The following ZNFX1 variants were observed in gnomAD, a reference collection of about 807,000 sequenced individuals.
The protein encoded by ZNFX1 is NFX1-type zinc finger-containing protein 1.
ZNFX1 carries 78 observed loss-of-function variants against 179.8 expected under a neutral mutation model. The ratio of observed to expected loss-of-function variants is 0.43; its 90% confidence interval spans 0.36 to 0.52. The LOEUF (loss-of-function observed/expected upper bound fraction) is 0.52. Among genes scored for constraint, ZNFX1 ranks in the 20% least tolerant of loss-of-function variants. The pLI is 0.00. For synonymous variants in ZNFX1, 848 were observed against 868.5 expected (o/e 0.98, Z 0.42); for missense variants, 1,927 against 2,386.6 (o/e 0.81, Z 4.01).
At chr20:49,250,432 G>C (rs1314779010) in intron 13 of ZNFX1, among the ~76,000 whole-genome samples, 2 of 152,176 alleles carry the variant, frequency 1.3e-5, no homozygotes, top group East Asian at 3.8e-4. Flanking sequence ...GGATATGGCA[G>C]GAGCCATTAT....
Position 49,261,422 on chromosome 20 carries a change from G to A in ZNFX1, c.2302-845C>T, listed in dbSNP as rs566932042. 3.3e-5 allele frequency among the ~76,000 whole-genome samples: 5 copies of A among 152,260 alleles called. No homozygotes were observed. In the East Asian group the frequency reaches 5.8e-4, roughly 18 times the overall value. Reference sequence around the variant, plus strand: ...TGTCCTTTGCGAGGACCTGAATGGAGTTTGAGGGCATTATCTTTAGCAAAC... The same window carrying A: ...TGTCCTTTGCGAGGACCTGAATGGAATTTGAGGGCATTATCTTTAGCAAAC... On this transcript the variant is annotated intron_variant, in intron 6 of 13. Transcript: ENST00000396105.
rs753633341 is a variant in ZNFX1 at position 49,271,430 on chromosome 20, G to A, written c.382C>T (p.Arg128Trp). The A allele has an allele frequency of 9.3e-6, 15 of 1,613,990 alleles. No homozygotes were observed. The highest frequency in any genetic ancestry group is 2.2e-5 in the South Asian group (2 of 91,078). ...TCTGTAGGCTTCTGGTGGGGAGTCC[G>A]CCACTGCTGGAAGTTGTCATTGGAC... Reference protein sequence around the residue: ...PWSNDNFQQWRTPHQKPTEQP... With the variant: ...PWSNDNFQQWWTPHQKPTEQP... Residue 128 changes from arginine to tryptophan, a missense_variant, in exon 3 of 14, where the codon CGG becomes TGG. Transcript: ENST00000396105.
intron 13 of ZNFX1, 95 bp from the exon 14 acceptor site, chr20:49,249,806 C>G (rs879598771): frequency 1.1e-5 from 15 of 1,363,748 alleles, no homozygotes; most frequent in Non-Finnish European, 1.4e-5. Context: ...TACTCTGCTC[C>G]AGAGAGAGAC....
At chr20:49,271,881 T>G in intron 2 of ZNFX1, 131 bp from the exon 3 acceptor site, 1 of 1,077,450 alleles carries the variant, frequency 9.3e-7, no homozygotes, top group Non-Finnish European at 1.3e-6. Flanking sequence ...AGAAAAACGG[T>G]TTCTACCAAG....
rs1980735704 is a variant in ZNFX1 at position 49,248,415 on chromosome 20, A to G, written c.4609T>C (p.Tyr1537His). Residue 1537 changes from tyrosine to histidine, a missense_variant, in exon 14 of 14, where the codon TAT becomes CAT. By Grantham distance (83) the Tyr-to-His change is moderately conservative (BLOSUM62 2). Transcript: ENST00000396105. This position sits in a 1 kb window ranked among gnomAD's most constrained non-coding sequence, Gnocchi z 4.6. ...ACTAGCAGCTTAGTACAAGGCACAT[A>G]GCATGGGGGTCGGTTGCAGGGCTCA... ...CSEPCNRPPC[Y>H]VPCTKLLVCG... 1.2e-6 allele frequency: 2 copies of G among 1,608,962 alleles called. No individual in the cohort carries two copies. Among genetic ancestry groups the G allele is most frequent in the Non-Finnish European group, 8.5e-7 (1 of 1,176,768 alleles).
chr20:49,271,794 G>A (rs765718404), intron 2 of ZNFX1, 44 bp from the exon 3 acceptor site: 3 of 1,541,780 alleles, frequency 1.9e-6, no homozygotes, highest in Non-Finnish European at 8.7e-7. Context: ...ACCAAGTTCT[G>A]TTGGAAACCC....
intron 9 of ZNFX1, 111 bp from the exon 10 acceptor site, chr20:49,254,760 A>C (rs1001471928): frequency 3.4e-6 from 4 of 1,179,208 alleles, no homozygotes; most frequent in South Asian, 1.5e-5. Context: ...CTTGGAGCAT[A>C]GTGACAAACA....
At chr20:49,249,871 A>G (rs564630340) in intron 13 of ZNFX1, among the ~76,000 whole-genome samples, 160 bp from the exon 14 acceptor site, 4 of 152,294 alleles carry the variant, frequency 2.6e-5, no homozygotes, top group African/African-American at 9.6e-5. Context: ...TTAGTTAGTC[A>G]TTGTGTGCTT....
intron 2 of ZNFX1, 36 bp from the exon 3 acceptor site, chr20:49,271,786 C>A (rs754208562): frequency 5.2e-6 from 8 of 1,550,836 alleles, no homozygotes; most frequent in South Asian, 1.2e-5. Context: ...CCACAAGAAC[C>A]AAGTTCTGTT....
Position 49,271,282 on chromosome 20 carries a change from G to C in ZNFX1, c.530C>G (p.Ser177Cys). 1 of 1,614,230 alleles carries C rather than the reference G, an allele frequency of 6.2e-7. No homozygotes were observed. Among genetic ancestry groups the C allele is most frequent in the Non-Finnish European group, 8.5e-7 (1 of 1,180,040 alleles). Residue 177 changes from serine to cysteine, a missense_variant, in exon 3 of 14, where the codon TCT becomes TGT. By Grantham distance (112) the Ser-to-Cys change is moderately radical. Transcript: ENST00000396105. ...SLGLKELLSHSSMKSNFLELI... is the reference protein window; with the variant it reads ...SLGLKELLSHCSMKSNFLELI... ...CTCAAGGAAGTTAGATTTCATGGAA[G>C]AATGAGAAAGGAGCTCTTTCAGCCC... is the stretch of plus-strand genomic sequence containing the variant.
chr20:49,266,902 C>T (rs548780409), intron 3 of ZNFX1, among the ~76,000 whole-genome samples: 1 of 152,134 alleles, frequency 6.6e-6, no homozygotes, highest in East Asian at 1.9e-4. Context: ...GCTAAATTCT[C>T]TCTTTTTGTT....
At position 49,251,507 on chromosome 20, in the gene ZNFX1, A is replaced by G. The variant is rs926076128; in HGVS notation, c.3312+20T>C. The G allele has an allele frequency of 6.2e-7, 1 of 1,601,172 alleles. No individual in the cohort carries two copies. Among genetic ancestry groups the G allele is most frequent in the African/African-American group, 1.3e-5 (1 of 74,406 alleles). On this transcript the variant is annotated intron_variant, in intron 13 of 13. Transcript: ENST00000396105. ...AGGTTGCTGACACCATCCAAGAAAG[A>G]TCGGGTAAGACAGACTCACCTTAAT...
intron 7 of ZNFX1, 36 bp from the exon 8 acceptor site, chr20:49,257,700 CT>C: frequency 6.7e-7 from 1 of 1,496,538 alleles, no homozygotes; most frequent in Non-Finnish European, 8.9e-7. Flanking sequence ...GAGATGAAAA[CT>C]CTTTTTTTTT....
chr20:49,249,003 A>G lies in ZNFX1; in HGVS notation c.4021T>C (p.Cys1341Arg), dbSNP rs1343263495. 10 of 1,614,086 alleles carry G rather than the reference A, an allele frequency of 6.2e-6. No homozygotes were observed. Among genetic ancestry groups the G allele is most frequent in the Non-Finnish European group, 8.5e-6 (10 of 1,179,996 alleles). Reference sequence around the variant, plus strand: ...GGCACCTTCACCTGACAAGGCTGACACTCCTGGAAGCAAACAAGGGGACAC... The same window carrying G: ...GGCACCTTCACCTGACAAGGCTGACGCTCCTGGAAGCAAACAAGGGGACAC... ...HRCPLVCFQE[C>R]QPCQVKVPKT... The change falls in exon 14 of 14, where the codon TGT becomes CGT. Residue 1341 changes from cysteine to arginine, a missense_variant. Physicochemically the swap from Cys to Arg is radical, Grantham distance 180. Transcript: ENST00000396105.
rs533084947 is a variant in ZNFX1 at position 49,247,133 on chromosome 20, C to G, written c.*134G>C. On this transcript the variant is annotated 3_prime_UTR_variant, in exon 14 of 14. Transcript: ENST00000396105. Reference sequence around the variant, plus strand: ...CCGCCTGCCTCGGCCTCCCAAAGTGCTGGGATTACAGGCGTAAGCCACTGC... The same window carrying G: ...CCGCCTGCCTCGGCCTCCCAAAGTGGTGGGATTACAGGCGTAAGCCACTGC... The G allele has an allele frequency of 8.7e-6, 11 of 1,262,440 alleles. No homozygotes were observed. In the South Asian group the frequency reaches 1.4e-4, roughly 16 times the overall value. 78.2% of individuals were successfully genotyped at this position (1,262,440 alleles called of 1,614,324 possible).
rs1234850409 is a variant in ZNFX1, at chr20:49,246,908, G to A, written c.*359C>T. On this transcript the variant is annotated 3_prime_UTR_variant, in exon 14 of 14. Transcript: ENST00000396105. ...TTTGAGACAGAGTCTTGCTCCTGTC[G>A]CCCAGACTGGAGTGCAATGGCATGA... 4.3e-5 allele frequency: 20 copies of A among 461,818 alleles called. No homozygotes were observed. The highest frequency in any genetic ancestry group is 1.2e-4 in the African/African-American group (6 of 50,118). 28.6% of individuals were successfully genotyped at this position (461,818 alleles called of 1,614,324 possible).
rs1190774258 is a variant in ZNFX1 at position 49,247,268 on chromosome 20, T to C, written c.5756A>G (p.Ter1919TrpextTer14). The C allele has an allele frequency of 5.6e-6, 9 of 1,599,792 alleles. No individual in the cohort carries two copies. Among genetic ancestry groups the C allele is most frequent in the Non-Finnish European group, 7.7e-6 (9 of 1,170,854 alleles). The change falls in exon 14 of 14, where the codon TAG becomes TGG. Residue 1919 changes from the stop codon to tryptophan, a stop_lost. Transcript: ENST00000396105. ...AAAAGGCAGTGGTGTACCATCTTCC[T>C]ACATCATCCCCTGGATCTCCTCAAA... ...MNFEEIQGMM[*>W]
chr20:49,248,862 G>C lies in ZNFX1; in HGVS notation c.4162C>G (p.His1388Asp). The C allele has an allele frequency of 6.2e-7, 1 of 1,613,472 alleles. No homozygotes were observed. Among genetic ancestry groups the C allele is most frequent in the Non-Finnish European group, 8.5e-7 (1 of 1,179,362 alleles). Residue 1388 changes from histidine (H) to aspartate (D), a missense_variant, in exon 14 of 14, where the codon CAC becomes GAC. Coordinates refer to ENST00000396105, the MANE Select transcript of ZNFX1 (RefSeq NM_021035.3). This position sits in a 1 kb window ranked among gnomAD's most constrained non-coding sequence, Gnocchi z 4.6. ...TGCACACAGTCCTCACCACATGGGT[G>C]GCTGCATCTGTGCCCACATCTCAGA... is the stretch of plus-strand genomic sequence containing the variant. ...KSLRCGHRCS[H>D]PCGEDCVQLC...
intron 5 of ZNFX1, 137 bp from the exon 6 acceptor site, chr20:49,263,620 A>G (rs1214913964): frequency 1.9e-6 from 2 of 1,055,728 alleles, no homozygotes; most frequent in African/African-American, 1.6e-5. Context: ...CAACAAACCA[A>G]TTTCCCAAGG....
Sources: gnomAD v4.1 joint callset for allele counts (sites outside exome capture counted in the v4.1 genomes callset) on GRCh38, gnomAD v4.1.1 for gene constraint, Gnocchi (gnomAD v3.1) non-coding constraint, MANE v1.5 for transcripts, NCBI Gene and HGNC (gene_info 2026-07-23, HGNC 2026-07-21) for gene names.